Variants in TPPP3 observed in about 807,000 individuals in gnomAD.
The protein encoded by TPPP3 is tubulin polymerization promoting protein family member 3.
TPPP3 carries 7 observed loss-of-function variants against 13.1 expected under a neutral mutation model. That is an observed-to-expected ratio of 0.54 (90% confidence interval 0.30 to 1.01). The LOEUF (loss-of-function observed/expected upper bound fraction) is 1.01, where lower values mean the gene tolerates loss of function less well. Ranked by LOEUF, TPPP3 falls within the 50% of genes least tolerant of loss-of-function variation. TPPP3 has a pLI of 0.06. For missense variants in TPPP3, 185 were observed against 235.0 expected (o/e 0.79, Z 1.39); for synonymous variants, 87 against 93.7 (o/e 0.93, Z 0.41).
At position 67,393,466 on chromosome 16, in the gene TPPP3, A is replaced by T. The variant is rs747556431; in HGVS notation, c.-93T>A. The T allele has an allele frequency of 1.0e-6, 1 of 985,578 alleles. No homozygotes were observed. Among genetic ancestry groups the T allele is most frequent in the Non-Finnish European group, 1.2e-6 (1 of 830,060 alleles). 61.1% of individuals were successfully genotyped at this position (985,578 alleles called of 1,614,324 possible). A position where few individuals can be genotyped will look rare whatever the true frequency, so the allele number is the denominator to read the frequency against. ...GACGCGGGAGACCAGGCGGCTCCGCAGCTCCGCTCCCTGCCGGCTCCCGGG... is the reference window on the plus strand; with the variant it reads ...GACGCGGGAGACCAGGCGGCTCCGCTGCTCCGCTCCCTGCCGGCTCCCGGG... On this transcript the variant is annotated 5_prime_UTR_variant, in exon 1 of 4. Coordinates refer to ENST00000393957, the MANE Select transcript of TPPP3 (RefSeq NM_015964.4). The surrounding 1 kb of genome is among the most constrained non-coding windows in gnomAD (Gnocchi z 5.4).
At position 67,390,618 on chromosome 16, in the gene TPPP3, C is replaced by T. The variant is rs758147631; in HGVS notation, c.203G>A (p.Arg68Gln). ...VFSKVKGKSA[R>Q]VINYEEFKKA... is the part of the protein sequence containing the mutation. ...CTTGAACTCCTCATAGTTGATGACC[C>T]GAGCAGACTTCCCCCTGACAGGCAT... The change falls in exon 3 of 4, where the codon CGG becomes CAG. Residue 68 changes from arginine (R) to glutamine (Q), a missense_variant. Transcript: ENST00000393957. The surrounding 1 kb of genome is among the most constrained non-coding windows in gnomAD (Gnocchi z 6.4). The T allele has an allele frequency of 4.6e-5, 74 of 1,612,970 alleles. No individual in the cohort carries two copies. Among genetic ancestry groups the T allele is most frequent in the Non-Finnish European group, 5.6e-5 (66 of 1,179,860 alleles).
Position 67,390,804 on chromosome 16 carries a change from G to A in TPPP3, c.188+120C>T. On this transcript the variant is annotated intron_variant, in intron 2 of 3. Transcript: ENST00000393957. The surrounding 1 kb of genome is among the most constrained non-coding windows in gnomAD (Gnocchi z 6.4). ...GGCAATAGATATAAGGTTTGCCCTGGAAGAACGACCTTCGTGATCATGGTG... is the reference window on the plus strand; with the variant it reads ...GGCAATAGATATAAGGTTTGCCCTGAAAGAACGACCTTCGTGATCATGGTG... The A allele has an allele frequency of 7.1e-7, 1 of 1,408,852 alleles. No individual in the cohort carries two copies. The highest frequency in any genetic ancestry group is 9.5e-7 in the Non-Finnish European group (1 of 1,050,954). 87.3% of individuals were successfully genotyped at this position (1,408,852 alleles called of 1,614,324 possible).
chr16:67,392,991 G>A lies in TPPP3; in HGVS notation c.-7+389C>T, dbSNP rs1415250799. ...GTCCAGGGGAGCTTGGATGCCACAG[G>A]GTGCTTGGCCCAAGCACTGGGCGGA... is the stretch of plus-strand genomic sequence containing the variant. On this transcript the variant is annotated intron_variant, in intron 1 of 3. Coordinates refer to ENST00000393957, the MANE Select transcript of TPPP3 (RefSeq NM_015964.4). The surrounding 1 kb of genome is among the most constrained non-coding windows in gnomAD (Gnocchi z 4.9). 2.0e-6 allele frequency: 2 copies of A among 985,340 alleles called. No homozygotes were observed. The highest frequency in any genetic ancestry group is 1.2e-6 in the Non-Finnish European group (1 of 829,968). 61.0% of individuals were successfully genotyped at this position (985,340 alleles called of 1,614,324 possible).
rs545207759 is a variant in TPPP3, at chr16:67,392,423, C to A, written c.-7+957G>T. ...GGGGCTGAGGCCCCTGGCCACAAAC[C>A]TGCATCCCTTCCTGAGACCCCTGAC... On this transcript the variant is annotated intron_variant, in intron 1 of 3. Transcript: ENST00000393957. The surrounding 1 kb of genome is among the most constrained non-coding windows in gnomAD (Gnocchi z 4.9). Among the ~76,000 whole-genome samples the A allele has an allele frequency of 6.6e-6, 1 of 152,006 alleles. No homozygotes were observed. Among genetic ancestry groups the A allele is most frequent in the East Asian group, 1.9e-4 (1 of 5,154 alleles).
rs2040324695 is a variant in TPPP3, at chr16:67,391,168, C to G, written c.-6-51G>C. The stretch of plus-strand genomic sequence containing the variant: ...CCCAGCCAATCTGCCCTTCCCCTCC[C>G]CCAAGCCCAGAACATCCCAGCCTCT... On this transcript the variant is annotated intron_variant, in intron 1 of 3. Transcript: ENST00000393957. This position sits in a 1 kb window ranked among gnomAD's most constrained non-coding sequence, Gnocchi z 6.3. The G allele has an allele frequency of 1.5e-5, 23 of 1,575,418 alleles. No homozygotes were observed.
Position 67,392,847 on chromosome 16 carries a change from G to A in TPPP3, c.-7+533C>T, listed in dbSNP as rs1209243071. 4.3e-6 allele frequency: 2 copies of A among 467,802 alleles called. No individual in the cohort carries two copies. The highest frequency in any genetic ancestry group is 6.4e-5 in the Admixed American group (1 of 15,656). The allele number at this position is 467,802 out of a possible 1,614,324, so 29.0% of individuals were successfully genotyped here. A position where few individuals can be genotyped will look rare whatever the true frequency, so the allele number is the denominator to read the frequency against. On this transcript the variant is annotated intron_variant, in intron 1 of 3. Transcript: ENST00000393957. The surrounding 1 kb of genome is among the most constrained non-coding windows in gnomAD (Gnocchi z 4.9). ...GGCAGTTTCTGGGACTGTGAGCACC[G>A]GTGGTTCCTACGTTACAGGGACCAT...
chr16:67,391,870 G>T lies in TPPP3; in HGVS notation c.-6-753C>A, dbSNP rs2040331294. On this transcript the variant is annotated intron_variant, in intron 1 of 3. Transcript: ENST00000393957. The surrounding 1 kb of genome is among the most constrained non-coding windows in gnomAD (Gnocchi z 6.3). ...GGCTGGGAAGCTGGGGCCCACGGGTGGGGCACGCCAGCACTCCCTGCGCCT... is the reference window on the plus strand; with the variant it reads ...GGCTGGGAAGCTGGGGCCCACGGGTTGGGCACGCCAGCACTCCCTGCGCCT... 1 of 152,458 alleles carries T rather than the reference G, an allele frequency of 6.6e-6. No individual in the cohort carries two copies. Among genetic ancestry groups the T allele is most frequent in the Non-Finnish European group, 1.5e-5 (1 of 68,246 alleles). The allele number at this position is 152,458 out of a possible 1,614,324, so 9.4% of individuals were successfully genotyped here. A position where few individuals can be genotyped will look rare whatever the true frequency, so the allele number is the denominator to read the frequency against.
chr16:67,390,023 G>A lies in TPPP3; in HGVS notation c.*151C>T. 6 of 793,454 alleles carry A rather than the reference G, an allele frequency of 7.6e-6. No individual in the cohort carries two copies. The highest frequency in any genetic ancestry group is 9.8e-6 in the Non-Finnish European group (5 of 511,300). The allele number at this position is 793,454 out of a possible 1,614,324, so 49.2% of individuals were successfully genotyped here. ...GCAGAGCAGCCTGGGTCAGAGGCCT[G>A]GTGGGCCAGCCCAGTGGGACTAGGC... On this transcript the variant is annotated 3_prime_UTR_variant, in exon 4 of 4. Transcript: ENST00000393957. The surrounding 1 kb of genome is among the most constrained non-coding windows in gnomAD (Gnocchi z 6.4).
At position 67,391,098 on chromosome 16, in the gene TPPP3, G is replaced by A. The variant is rs370449523; in HGVS notation, c.14C>T (p.Thr5Ile). The A allele has an allele frequency of 9.2e-5, 149 of 1,613,994 alleles. No homozygotes were observed. Among genetic ancestry groups the A allele is most frequent in the Admixed American group, 6.5e-4 (39 of 60,004 alleles). Residue 5 changes from threonine to isoleucine, a missense_variant, in exon 2 of 4, where the codon ACA (threonine) becomes ATA (isoleucine). Coordinates refer to ENST00000393957, the MANE Select transcript of TPPP3 (RefSeq NM_015964.4). This position sits in a 1 kb window ranked among gnomAD's most constrained non-coding sequence, Gnocchi z 6.3. MAAS[T>I]DMAGLEESFR... ...GCTCTCCTCCAGCCCAGCCATGTCT[G>A]TGCTCGCTGCCATGCCACCCTATAG...
rs1319731571 is a variant in TPPP3 at position 67,390,431 on chromosome 16, T to A, written c.342+48A>T. 4 of 1,606,260 alleles carry A rather than the reference T, an allele frequency of 2.5e-6. No homozygotes were observed. Among genetic ancestry groups the A allele is most frequent in the Non-Finnish European group, 3.4e-6 (4 of 1,174,384 alleles). On this transcript the variant is annotated intron_variant, in intron 3 of 3. Transcript: ENST00000393957. The surrounding 1 kb of genome is among the most constrained non-coding windows in gnomAD (Gnocchi z 6.4). ...CAGCCCTTCCCACCCACAGCCACGA[T>A]TCCCCACACCCCATTCCGTGGCCAC...
chr16:67,390,191 C>G lies in TPPP3; in HGVS notation c.514G>C (p.Ala172Pro). The G allele has an allele frequency of 1.9e-6, 3 of 1,614,146 alleles. No homozygotes were observed. Among genetic ancestry groups the G allele is most frequent in the Non-Finnish European group, 2.5e-6 (3 of 1,179,974 alleles). ...SAYKNAGTYD[A>P]KVKK ...CCCAAGCCTCACTTCTTCACCTTGGCATCGTAGGTGCCTGCATTCTTGTAG... is the reference window on the plus strand; with the variant it reads ...CCCAAGCCTCACTTCTTCACCTTGGGATCGTAGGTGCCTGCATTCTTGTAG... Residue 172 changes from alanine to proline, a missense_variant, in exon 4 of 4, where the codon GCC (alanine) becomes CCC (proline). Transcript: ENST00000393957. The surrounding 1 kb of genome is among the most constrained non-coding windows in gnomAD (Gnocchi z 6.4).
In TPPP3 at chr16:67,393,035, C is replaced by T; in HGVS notation, c.-7+345G>A. The stretch of plus-strand genomic sequence containing the variant: ...GGGCGGATCCTGCGTGCAGTGCTCA[C>T]TCCTGTCCGTGGAAAGATGGATTCT... On this transcript the variant is annotated intron_variant, in intron 1 of 3. Transcript: ENST00000393957. This position sits in a 1 kb window ranked among gnomAD's most constrained non-coding sequence, Gnocchi z 5.4. 1.0e-6 allele frequency: 1 copy of T among 985,416 alleles called. No homozygotes were observed. Among genetic ancestry groups the T allele is most frequent in the Non-Finnish European group, 1.2e-6 (1 of 829,898 alleles). 61.0% of individuals were successfully genotyped at this position (985,416 alleles called of 1,614,324 possible).
In TPPP3 at chr16:67,391,191, T is replaced by C; in HGVS notation, c.-6-74A>G. ...CCCCCAAGCCCAGAACATCCCAGCC[T>C]CTACCTCAAACCTGCAAGACCTGGG... On this transcript the variant is annotated intron_variant, in intron 1 of 3. Coordinates refer to ENST00000393957, the MANE Select transcript of TPPP3 (RefSeq NM_015964.4). This position sits in a 1 kb window ranked among gnomAD's most constrained non-coding sequence, Gnocchi z 6.3. 1 of 1,478,234 alleles carries C rather than the reference T, an allele frequency of 6.8e-7. No individual in the cohort carries two copies. The highest frequency in any genetic ancestry group is 9.3e-7 in the Non-Finnish European group (1 of 1,080,376). The allele number at this position is 1,478,234 out of a possible 1,614,324, so 91.6% of individuals were successfully genotyped here.
At position 67,391,033 on chromosome 16, in the gene TPPP3, C is replaced by T. The variant is rs2040321604; in HGVS notation, c.79G>A (p.Gly27Arg). Residue 27 changes from glycine (G) to arginine (R), a missense_variant, in exon 2 of 4, where the codon GGG becomes AGG. Coordinates refer to ENST00000393957, the MANE Select transcript of TPPP3 (RefSeq NM_015964.4). The surrounding 1 kb of genome is among the most constrained non-coding windows in gnomAD (Gnocchi z 6.3). ...CAGTTCTTGCCATTCATCTCTTGCCCACTGGCCTTGGGGTCACCATGGATG... is the reference window on the plus strand; with the variant it reads ...CAGTTCTTGCCATTCATCTCTTGCCTACTGGCCTTGGGGTCACCATGGATG... The part of the protein sequence containing the change: ...FAIHGDPKAS[G>R]QEMNGKNWAK... 1 of 1,614,108 alleles carries T rather than the reference C, an allele frequency of 6.2e-7. No homozygotes were observed. The highest frequency in any genetic ancestry group is 8.5e-7 in the Non-Finnish European group (1 of 1,180,042).
Position 67,390,197 on chromosome 16 carries a change from A to T in TPPP3, c.508T>A (p.Tyr170Asn), listed in dbSNP as rs756452546. ...CCTCACTTCTTCACCTTGGCATCGT[A>T]GGTGCCTGCATTCTTGTAGGCGCTC... Reference protein sequence around the residue: ...YVSAYKNAGTYDAKVKK With the variant: ...YVSAYKNAGTNDAKVKK The change falls in exon 4 of 4, where the codon TAC (tyrosine) becomes AAC (asparagine). Residue 170 changes from tyrosine to asparagine, a missense_variant. Physicochemically the swap from Tyr to Asn is moderately radical, Grantham distance 143. Coordinates refer to ENST00000393957, the MANE Select transcript of TPPP3 (RefSeq NM_015964.4). This position sits in a 1 kb window ranked among gnomAD's most constrained non-coding sequence, Gnocchi z 6.4. 3.1e-6 allele frequency: 5 copies of T among 1,614,160 alleles called. No individual in the cohort carries two copies. In the Middle Eastern group the frequency reaches 4.9e-4, roughly 160 times the overall value.
At position 67,390,354 on chromosome 16, in the gene TPPP3, T is replaced by C. The variant is rs757544003; in HGVS notation, c.351A>G (p.Lys117=). 6.2e-7 allele frequency: 1 copy of C among 1,613,566 alleles called. No individual in the cohort carries two copies. The highest frequency in any genetic ancestry group is 8.5e-7 in the Non-Finnish European group (1 of 1,179,572). The change falls in exon 4 of 4, where the codon AAA becomes AAG. Residue 117 remains lysine (K), a synonymous_variant. Transcript: ENST00000393957. This position sits in a 1 kb window ranked among gnomAD's most constrained non-coding sequence, Gnocchi z 6.4. ...TCAGCCGGTCTACAGCACCCCCTGTTTTTGCTTTCTGTTTGGACAGAGTTT... is the reference window on the plus strand; with the variant it reads ...TCAGCCGGTCTACAGCACCCCCTGTCTTTGCTTTCTGTTTGGACAGAGTTT... ...EPANVGVTKA[K]TGGAVDRLTD...
chr16:67,392,634 C>T lies in TPPP3; in HGVS notation c.-7+746G>A, dbSNP rs1472905919. Among the ~76,000 whole-genome samples, 1 of 152,096 alleles carries T rather than the reference C, an allele frequency of 6.6e-6. No homozygotes were observed. Among genetic ancestry groups the T allele is most frequent in the Non-Finnish European group, 1.5e-5 (1 of 68,010 alleles). ...CCAGGTACTATGCGGAGATCCCCTG[C>T]GTAGAGACCTCCCCACCACATCCCC... On this transcript the variant is annotated intron_variant, in intron 1 of 3. Transcript: ENST00000393957. This position sits in a 1 kb window ranked among gnomAD's most constrained non-coding sequence, Gnocchi z 4.9.
At position 67,391,136 on chromosome 16, in the gene TPPP3, G is replaced by T. The variant is rs753375088; in HGVS notation, c.-6-19C>A. 74 of 1,610,408 alleles carry T rather than the reference G, an allele frequency of 4.6e-5. 1 individual carries two copies. The highest frequency in any genetic ancestry group is 8.5e-7 in the Non-Finnish European group (1 of 1,177,950). ...TGCCACCCTATAGAGACCCACCTGG[G>T]TCATCTCCCAGCCAATCTGCCCTTC... On this transcript the variant is annotated intron_variant, in intron 1 of 3. Coordinates refer to ENST00000393957, the MANE Select transcript of TPPP3 (RefSeq NM_015964.4). The surrounding 1 kb of genome is among the most constrained non-coding windows in gnomAD (Gnocchi z 6.3).
rs2040335659 is a variant in TPPP3 at position 67,392,142 on chromosome 16, C to T, written c.-6-1025G>A. On this transcript the variant is annotated intron_variant, in intron 1 of 3. Coordinates refer to ENST00000393957, the MANE Select transcript of TPPP3 (RefSeq NM_015964.4). The surrounding 1 kb of genome is among the most constrained non-coding windows in gnomAD (Gnocchi z 4.9). ...CCCACATTCCCAGCGACCCTGTGCACTCAGCCCTGGCCTGCCACCCCCTGG... is the reference window on the plus strand; with the variant it reads ...CCCACATTCCCAGCGACCCTGTGCATTCAGCCCTGGCCTGCCACCCCCTGG... Among the ~76,000 whole-genome samples, 2 of 151,604 alleles carry T rather than the reference C, an allele frequency of 1.3e-5. No homozygotes were observed. Among genetic ancestry groups the T allele is most frequent in the Admixed American group, 6.6e-5 (1 of 15,220 alleles).
Sources: allele counts gnomAD v4.1 joint callset (sites outside exome capture counted in the v4.1 genomes callset), GRCh38; gene constraint gnomAD v4.1.1; non-coding constraint Gnocchi (gnomAD v3.1); transcripts MANE v1.5; gene names NCBI Gene and HGNC (gene_info 2026-07-23, HGNC 2026-07-21).